Variants in MYOF observed in about 807,000 individuals in gnomAD.
MYOF encodes fer-1-like 3, myoferlin.
Under a neutral mutation model 284.2 loss-of-function variants are expected in MYOF, and 244 were observed. That is an observed-to-expected ratio of 0.86 (90% CI 0.77 to 0.95). The LOEUF (loss-of-function observed/expected upper bound fraction) is 0.95, where lower values mean the gene tolerates loss of function less well. Among genes scored for constraint, MYOF ranks in the 40% least tolerant of loss-of-function variants. MYOF has a pLI of 0.00. For synonymous variants in MYOF, 904 were observed against 919.7 expected, an observed-to-expected ratio of 0.98 and a Z score of 0.31; for missense variants, 2,496 against 2,560.6, an observed-to-expected ratio of 0.97 and a Z score of 0.54.
chr10:93,374,871 G>T lies in MYOF; in HGVS notation c.2193C>A (p.Ser731=), dbSNP rs1364980495. 1 of 1,614,134 alleles carries T rather than the reference G, an allele frequency of 6.2e-7. No individual in the cohort carries two copies. The highest frequency in any genetic ancestry group is 2.2e-5 in the East Asian group (1 of 44,886). Reference sequence around the variant, plus strand: ...TCCTCACAGCCGCCTCATGTATTTGGGAGAGAGACCTGGACCGCAGCTTTC... The same window carrying T: ...TCCTCACAGCCGCCTCATGTATTTGTGAGAGAGACCTGGACCGCAGCTTTC... ...QIRKLRSRSL[S]QIHEAAVRMR... is the part of the protein sequence containing the mutation. The change falls in exon 23 of 54, where the codon TCC becomes TCA. Residue 731 remains serine, a synonymous_variant. Transcript: ENST00000359263.
rs1435512242 is a variant in MYOF, at chr10:93,306,980, C to T, written c.6169G>A (p.Val2057Ile). 2 of 1,612,776 alleles carry T rather than the reference C, an allele frequency of 1.2e-6. No homozygotes were observed. The highest frequency in any genetic ancestry group is 2.2e-5 in the East Asian group (1 of 44,838). ...TGCCTTTGTTACACATTTGGCTTTA[C>T]AATCTTCATTGACAAATAGTTCTGG... ...SLPNYLSMKI[V>I]KPNV The change falls in exon 54 of 54, where the codon GTA becomes ATA. Residue 2057 changes from valine to isoleucine, a missense_variant. By Grantham distance (29) the Val-to-Ile change is conservative (BLOSUM62 3). Around this residue, in one of 3 missense-constraint regions of MYOF, gnomAD observed 2,436 missense variants for 2,480.7 expected, o/e 0.98. Transcript: ENST00000359263.
chr10:93,386,878 A>C (rs1846396019), intron 19 of MYOF, among the ~76,000 whole-genome samples: 1 of 152,148 alleles, frequency 6.6e-6, no homozygotes, highest in African/African-American at 2.4e-5. Flanking sequence ...TGGAGAACTC[A>C]CGGCAGTTGG....
chr10:93,312,652 T>C (rs967186656), intron 51 of MYOF, among the ~76,000 whole-genome samples: 7 of 152,138 alleles, frequency 4.6e-5, no homozygotes, highest in African/African-American at 1.7e-4. Context: ...CCTACCTTTT[T>C]TTTTTAATGA....
chr10:93,419,194 GTTCTATCGC>G (rs1848254585), intron 5 of MYOF, among the ~76,000 whole-genome samples: 2 of 151,222 alleles, frequency 1.3e-5, no homozygotes, highest in Non-Finnish European at 2.9e-5. Flanking sequence ...ACGGAGTATT[GTTCTATCGC>G]CCAGGCTAGA....
At chr10:93,368,498 T>C (rs2133953279) in intron 25 of MYOF, among the ~76,000 whole-genome samples, 1 of 152,306 alleles carries the variant, frequency 6.6e-6, no homozygotes, top group Non-Finnish European at 1.5e-5. Context: ...GGCTTCTTCA[T>C]CATCTTCAGC....
In MYOF at chr10:93,482,180, A is replaced by G. The variant is rs1363673432; in HGVS notation, c.15T>C (p.Ile5=). 6.2e-7 allele frequency: 1 copy of G among 1,614,092 alleles called. No homozygotes were observed. The highest frequency in any genetic ancestry group is 8.5e-7 in the Non-Finnish European group (1 of 1,179,952). The change falls in exon 1 of 54, where the codon ATT becomes ATC. Residue 5 remains isoleucine (I), a synonymous_variant. Transcript: ENST00000359263. The part of the protein sequence containing the change: MLRV[I]VESASNIPKT... ...TAGGGATATTGCTGGCAGATTCCACAATCACTCGCAGCATGGTTCTTAGCT... is the reference window on the plus strand; with the variant it reads ...TAGGGATATTGCTGGCAGATTCCACGATCACTCGCAGCATGGTTCTTAGCT...
At position 93,413,427 on chromosome 10, in the gene MYOF, G is replaced by A. The variant is rs775457740; in HGVS notation, c.434-3688C>T. Among the ~76,000 whole-genome samples the A allele has an allele frequency of 6.6e-5, 10 of 152,192 alleles. No individual in the cohort carries two copies. In the South Asian group the frequency reaches 1.2e-3, roughly 19 times the overall value. Reference sequence around the variant, plus strand: ...TGCTATGGGTTCCACAAAGAATGAGGGGGCCCCTATGGCACTGTTAAACAC... The same window carrying A: ...TGCTATGGGTTCCACAAAGAATGAGAGGGCCCCTATGGCACTGTTAAACAC... On this transcript the variant is annotated intron_variant, in intron 5 of 53. Coordinates refer to ENST00000359263, the MANE Select transcript of MYOF (RefSeq NM_013451.4).
chr10:93,325,934 C>T lies in MYOF; in HGVS notation c.5163G>A (p.Gly1721=), dbSNP rs1410113895. 2 of 1,613,996 alleles carry T rather than the reference C, an allele frequency of 1.2e-6. No homozygotes were observed. Among genetic ancestry groups the T allele is most frequent in the African/African-American group, 1.3e-5 (1 of 74,992 alleles). ...EANKILHQHL[G]APEERLALHI... ...GAAGAGCAAGCCGCTCTTCAGGGGC[C>T]CCGAGGTGCTGGTGCAGGATTTTGT... The change falls in exon 46 of 54, where the codon GGG becomes GGA. Residue 1721 remains glycine, a synonymous_variant. Transcript: ENST00000359263.
chr10:93,343,230 G>A lies in MYOF; in HGVS notation c.4326+626C>T, dbSNP rs191045327. 1.2e-4 allele frequency among the ~76,000 whole-genome samples: 19 copies of A among 152,080 alleles called. No individual in the cohort carries two copies. The East Asian group carries it at 2.5e-3, about 20-fold the overall frequency. On this transcript the variant is annotated intron_variant, in intron 38 of 53. Coordinates refer to ENST00000359263, the MANE Select transcript of MYOF (RefSeq NM_013451.4). ...TGAGGCTTTTTGCCCCCTTTCCTTC[G>A]TGTAGAAGTGGCTGGAATAGCTAGT...
intron 49 of MYOF, among the ~76,000 whole-genome samples, chr10:93,317,331 T>C (rs1177635079): frequency 6.6e-6 from 1 of 151,164 alleles, no homozygotes; most frequent in East Asian, 1.9e-4. Flanking sequence ...TGTCTGGGAT[T>C]TTTGGCCTTT....
intron 1 of MYOF, 45 bp downstream of exon 1, chr10:93,482,062 C>T (rs1296898674): frequency 6.5e-7 from 1 of 1,544,998 alleles, no homozygotes; most frequent in South Asian, 1.1e-5. Flanking sequence ...AAGAAACTAA[C>T]ATTCCAAAAC....
intron 9 of MYOF, 117 bp from the exon 10 acceptor site, chr10:93,403,007 G>C: frequency 1.1e-6 from 1 of 871,938 alleles, no homozygotes; most frequent in Non-Finnish European, 1.8e-6. Flanking sequence ...ATTTCCTTGA[G>C]ACCCAACATT....
Position 93,313,172 on chromosome 10 carries a change from C to T in MYOF, c.5737G>A (p.Ala1913Thr). The part of the protein sequence containing the change: ...ELDLRHTIIP[A>T]KSPEKCRLDM... ...AATCTGCATTTCTCTGGTGATTTTG[C>T]AGGAATGATCGTGTGACGCAAGTCA... The change falls in exon 51 of 54, where the codon GCA becomes ACA. Residue 1913 changes from alanine (A) to threonine (T), a missense_variant. Physicochemically the swap from Ala to Thr is moderately conservative, Grantham distance 58 (BLOSUM62 0). Transcript: ENST00000359263. 3 of 1,613,842 alleles carry T rather than the reference C, an allele frequency of 1.9e-6. No individual in the cohort carries two copies. Among genetic ancestry groups the T allele is most frequent in the Non-Finnish European group, 2.5e-6 (3 of 1,179,888 alleles).
Position 93,333,794 on chromosome 10 carries a change from T to C in MYOF, c.4683A>G (p.Arg1561=), listed in dbSNP as rs764547980. The change falls in exon 42 of 54, where the codon CGA becomes CGG. Residue 1561 remains arginine (R), a synonymous_variant. Coordinates refer to ENST00000359263, the MANE Select transcript of MYOF (RefSeq NM_013451.4). ...TGTCCTGGGGCTGGAGCTCTAAGCC[T>C]CGAACAATGTAAATCCTAACCGTGC... The part of the protein sequence containing the change: ...QECTVRIYIV[R]GLELQPQDNN... The C allele has an allele frequency of 3.3e-5, 53 of 1,614,164 alleles. No homozygotes were observed. The highest frequency in any genetic ancestry group is 4.3e-5 in the Non-Finnish European group (51 of 1,180,022).
intron 42 of MYOF, 102 bp downstream of exon 42, chr10:93,333,656 A>G (rs1429786645): frequency 7.0e-7 from 1 of 1,425,420 alleles, no homozygotes; most frequent in African/African-American, 1.4e-5. Context: ...TCTTTCCCCT[A>G]GTGAGATAAC....
intron 15 of MYOF, 151 bp from the exon 16 acceptor site, chr10:93,396,375 T>G (rs1340119061): frequency 1.8e-6 from 1 of 540,646 alleles, no homozygotes; most frequent in Admixed American, 3.4e-5. Flanking sequence ...GCCTCAAACT[T>G]TATTGTACTT....
chr10:93,335,196 C>T (rs1843537761), intron 41 of MYOF, among the ~76,000 whole-genome samples: 1 of 152,046 alleles, frequency 6.6e-6, no homozygotes, highest in South Asian at 2.1e-4. Flanking sequence ...GTAGAAAGGG[C>T]ACCCAGGGAA....
intron 28 of MYOF, among the ~76,000 whole-genome samples, chr10:93,361,012 G>A (rs1432123987): frequency 1.3e-5 from 2 of 152,134 alleles, no homozygotes; most frequent in East Asian, 3.9e-4. Context: ...GTCACAGACG[G>A]TACCACATGA....
At chr10:93,363,932 A>G (rs753891055) in intron 27 of MYOF, 29 bp downstream of exon 27, 4 of 1,601,522 alleles carry the variant, frequency 2.5e-6, no homozygotes, top group African/African-American at 2.7e-5. Context: ...GTGACAGGTG[A>G]GAGTTTCTCT....
Sources: allele counts gnomAD v4.1 joint callset (sites outside exome capture counted in the v4.1 genomes callset), GRCh38; gene constraint gnomAD v4.1.1; regional missense constraint gnomAD v4.1.1; transcripts MANE v1.5; gene names NCBI Gene and HGNC (gene_info 2026-07-23, HGNC 2026-07-21).